The following NPAS3 variants were observed in gnomAD, a reference collection of about 807,000 sequenced individuals.
NPAS3 encodes neuronal PAS domain protein 3, also known as neuronal PAS domain-containing protein 3.
NPAS3 carries 14 observed loss-of-function variants against 73.1 expected under a neutral mutation model. The ratio of observed to expected loss-of-function variants is 0.19; its 90% CI spans 0.13 to 0.30. The LOEUF is 0.30. Among genes scored for constraint, NPAS3 ranks in the 10% least tolerant of loss-of-function variants. NPAS3 has a pLI of 1.00. For missense variants in NPAS3, 1,096 were observed against 1,250.0 expected (o/e 0.88, Z 1.86); for synonymous variants, 620 against 541.5 (o/e 1.14, Z -2.01).
chr14:33,689,987 AT>A, intron 6 of NPAS3, among the ~76,000 whole-genome samples: 1 of 152,184 alleles, frequency 6.6e-6, no homozygotes, highest in Admixed American at 6.5e-5. Context: ...TAACCCAATA[AT>A]TTAGCTGATG....
intron 1 of NPAS3, among the ~76,000 whole-genome samples, chr14:32,995,616 T>C (rs59114453): frequency 0.037 from 5,671 of 152,304 alleles, 377 homozygotes; most frequent in African/African-American, 0.13. Flanking sequence ...ATGCTGTTCT[T>C]GTGATAGCAA....
chr14:33,346,493 A>C (rs925228170), intron 3 of NPAS3, among the ~76,000 whole-genome samples: 2 of 137,158 alleles, frequency 1.5e-5, no homozygotes, highest in Non-Finnish European at 3.0e-5. Context: ...GTGCTACTGC[A>C]CTCTAGCCTG....
At chr14:33,654,200 T>C (rs993097814) in intron 5 of NPAS3, among the ~76,000 whole-genome samples, 3 of 151,758 alleles carry the variant, frequency 2.0e-5, no homozygotes, top group Admixed American at 6.6e-5. Flanking sequence ...CAAAAGAAAA[T>C]TTAATGGAAT....
chr14:33,173,564 G>C (rs2045475376), intron 2 of NPAS3, among the ~76,000 whole-genome samples: 1 of 152,078 alleles, frequency 6.6e-6, no homozygotes, highest in South Asian at 2.1e-4. Context: ...AAAAAAAGAT[G>C]AATAGTTTCT....
intron 4 of NPAS3, among the ~76,000 whole-genome samples, chr14:33,539,284 G>A (rs1182193656): frequency 6.6e-6 from 1 of 152,076 alleles, no homozygotes; most frequent in East Asian, 1.9e-4. Context: ...GGGGTTCAGG[G>A]CAGGATTTTT....
intron 2 of NPAS3, among the ~76,000 whole-genome samples, chr14:33,123,859 TTC>T (rs1491084811): frequency 0.019 from 1,622 of 85,948 alleles, 25 homozygotes; most frequent in East Asian, 0.1. Context: ...CTTTCTTTCT[TTC>T]TTTTTTTTTT....
At chr14:33,130,346 G>A (rs893072425) in intron 2 of NPAS3, among the ~76,000 whole-genome samples, 2 of 152,154 alleles carry the variant, frequency 1.3e-5, no homozygotes, top group African/African-American at 4.8e-5. Flanking sequence ...TTAGAGCCAG[G>A]CAGAATTTGC....
intron 7 of NPAS3, among the ~76,000 whole-genome samples, chr14:33,744,169 A>G (rs1170103620): frequency 2.0e-5 from 3 of 152,204 alleles, no homozygotes; most frequent in Admixed American, 6.5e-5. Flanking sequence ...AGCTTTCAAT[A>G]TGCCTTATTC....
At chr14:33,508,798 A>C (rs919341636) in intron 4 of NPAS3, among the ~76,000 whole-genome samples, 1 of 152,034 alleles carries the variant, frequency 6.6e-6, no homozygotes, top group African/African-American at 2.4e-5. Flanking sequence ...ATAGCTGAGA[A>C]AAGAAAACAT....
At chr14:33,392,565 C>T (rs936394595) in intron 4 of NPAS3, among the ~76,000 whole-genome samples, 1 of 152,134 alleles carries the variant, frequency 6.6e-6, no homozygotes, top group African/African-American at 2.4e-5. Context: ...AATTTATCAA[C>T]ATAAGACTTG....
chr14:33,715,590 G>T (rs141463850), intron 6 of NPAS3, among the ~76,000 whole-genome samples: 2 of 152,142 alleles, frequency 1.3e-5, no homozygotes, highest in African/African-American at 4.8e-5. Flanking sequence ...GTCTGTGTTG[G>T]AATGGGCTAA....
chr14:33,405,273 A>ATCCC (rs1195585260), intron 4 of NPAS3, among the ~76,000 whole-genome samples: 2 of 151,994 alleles, frequency 1.3e-5, no homozygotes, highest in Non-Finnish European at 2.9e-5. Flanking sequence ...AGGTGTTTTA[A>ATCCC]TCCCTTTAGG....
At chr14:33,628,668 G>A (rs191646130) in intron 5 of NPAS3, among the ~76,000 whole-genome samples, 35 of 152,278 alleles carry the variant, frequency 2.3e-4, no homozygotes, top group African/African-American at 8.2e-4. Context: ...TGTAAGTGGC[G>A]GCTTGAAAGC....
intron 3 of NPAS3, among the ~76,000 whole-genome samples, chr14:33,352,340 C>T (rs979417152): frequency 2.6e-5 from 4 of 152,138 alleles, no homozygotes; most frequent in Non-Finnish European, 5.9e-5. Context: ...CTTTAATCTT[C>T]GTCGTCAAAA....
chr14:33,477,119 G>T (rs1054052306), intron 4 of NPAS3, among the ~76,000 whole-genome samples: 2 of 150,750 alleles, frequency 1.3e-5, no homozygotes. Flanking sequence ...ACCCTTTTTA[G>T]CCTTTTGTTG....
chr14:33,262,634 C>T (rs553912921), intron 3 of NPAS3, among the ~76,000 whole-genome samples: 25 of 152,154 alleles, frequency 1.6e-4, no homozygotes, highest in Non-Finnish European at 2.6e-4. Flanking sequence ...ATTGTAGATT[C>T]ATCAACTCAA....
chr14:32,989,460 C>T (rs2038227428), intron 1 of NPAS3, among the ~76,000 whole-genome samples: 1 of 152,048 alleles, frequency 6.6e-6, no homozygotes, highest in Non-Finnish European at 1.5e-5. Flanking sequence ...CTGGCTAACA[C>T]GGTGAAACCC....
chr14:33,405,418 C>T (rs972793739), intron 4 of NPAS3, among the ~76,000 whole-genome samples: 1 of 152,066 alleles, frequency 6.6e-6, no homozygotes, highest in Admixed American at 6.6e-5. Context: ...AATTCAAGAG[C>T]ATTTCCTTCT....
At chr14:33,003,969 C>T (rs1277587975) in intron 1 of NPAS3, among the ~76,000 whole-genome samples, 1 of 152,154 alleles carries the variant, frequency 6.6e-6, no homozygotes, top group Non-Finnish European at 1.5e-5. Flanking sequence ...TCTCATTACA[C>T]TGATTTGAAT....
Sources: allele counts gnomAD v4.1 joint callset (sites outside exome capture counted in the v4.1 genomes callset), GRCh38; gene constraint gnomAD v4.1.1; transcripts MANE v1.5; gene names NCBI Gene and HGNC (gene_info 2026-07-23, HGNC 2026-07-21).